The following MYT1L variants were observed in gnomAD, a reference collection of about 807,000 sequenced individuals.
The protein encoded by MYT1L is myelin transcription factor 1 like, also known as myelin transcription factor 1-like protein.
Under a neutral mutation model 126.7 loss-of-function variants are expected in MYT1L, and 12 were observed. The observed-to-expected ratio is 0.09, with a 90% CI of 0.06 to 0.15. The LOEUF is 0.15. Ranked by LOEUF, MYT1L falls within the 10% of genes least tolerant of loss-of-function variation. The pLI, the probability that MYT1L is intolerant of heterozygous loss-of-function variation, is 1.00. For missense variants in MYT1L, 979 were observed against 1,585.2 expected, an observed-to-expected ratio of 0.62 and a Z score of 6.49; for synonymous variants, 541 against 604.2, an observed-to-expected ratio of 0.90 and a Z score of 1.53.
intron 3 of MYT1L, among the ~76,000 whole-genome samples, chr2:2,108,962 T>C (rs1355426312): frequency 6.6e-6 from 1 of 152,220 alleles, no homozygotes; most frequent in Non-Finnish European, 1.5e-5. Context: ...CTGCTTTTCC[T>C]CCTCTCCTGT....
intron 8 of MYT1L, among the ~76,000 whole-genome samples, chr2:1,954,630 T>C (rs985665405): frequency 1.3e-5 from 2 of 152,226 alleles, no homozygotes; most frequent in Middle Eastern, 3.4e-3. Flanking sequence ...CACTTTCCAC[T>C]GTCAGGGGTC....
chr2:2,325,516 C>T (rs2096234932), intron 1 of MYT1L: 1 of 152,082 alleles, frequency 6.6e-6, no homozygotes, highest in East Asian at 1.9e-4. Flanking sequence ...AACATAGATA[C>T]CTGATGTTCA....
chr2:2,241,751 G>C (rs1045671209), intron 2 of MYT1L, among the ~76,000 whole-genome samples: 1 of 152,218 alleles, frequency 6.6e-6, no homozygotes, highest in African/African-American at 2.4e-5. Flanking sequence ...CTATTATTCA[G>C]CCTTAGAAAG....
At chr2:2,257,751 A>G (rs905505452) in intron 2 of MYT1L, among the ~76,000 whole-genome samples, 12 of 148,738 alleles carry the variant, frequency 8.1e-5, no homozygotes, top group Non-Finnish European at 1.3e-4. Context: ...GAGGACACAA[A>G]CAAATGGAAG....
chr2:2,094,213 T>C (rs948490864), intron 3 of MYT1L, among the ~76,000 whole-genome samples: 1 of 152,188 alleles, frequency 6.6e-6, no homozygotes, highest in African/African-American at 2.4e-5. Context: ...TCAAAACCAC[T>C]ATGAGATACT....
intron 23 of MYT1L, among the ~76,000 whole-genome samples, chr2:1,798,383 G>A (rs2034208008): frequency 6.6e-6 from 1 of 152,210 alleles, no homozygotes; most frequent in Non-Finnish European, 1.5e-5. Context: ...CTCTCCCTGT[G>A]CAGGACCCTC....
intron 2 of MYT1L, among the ~76,000 whole-genome samples, chr2:2,254,105 A>G (rs1475177851): frequency 6.6e-6 from 1 of 152,226 alleles, no homozygotes; most frequent in Non-Finnish European, 1.5e-5. Flanking sequence ...AGAATTCTGC[A>G]CTGTGCATTG....
intron 3 of MYT1L, among the ~76,000 whole-genome samples, chr2:2,086,573 ACT>A (rs1289293944): frequency 1.3e-5 from 2 of 151,924 alleles, no homozygotes; most frequent in African/African-American, 4.8e-5. Context: ...ACATAGAATC[ACT>A]CTGCAATCCT....
At chr2:2,102,732 G>A (rs1369410328) in intron 3 of MYT1L, among the ~76,000 whole-genome samples, 1 of 151,592 alleles carries the variant, frequency 6.6e-6, no homozygotes, top group Non-Finnish European at 1.5e-5. Context: ...TGGATGGGTG[G>A]AATCAATGGT....
chr2:2,090,528 A>T (rs1163915738), intron 3 of MYT1L, among the ~76,000 whole-genome samples: 1 of 152,178 alleles, frequency 6.6e-6, no homozygotes, highest in Non-Finnish European at 1.5e-5. Context: ...GTTTTGCCTC[A>T]ATGTCGATGG....
chr2:2,242,068 G>A (rs2094450782), intron 2 of MYT1L, among the ~76,000 whole-genome samples: 1 of 152,016 alleles, frequency 6.6e-6, no homozygotes, highest in Non-Finnish European at 1.5e-5. Flanking sequence ...GAGGAGGAAG[G>A]CAGGCAGGAA....
In MYT1L at chr2:1,929,921, A is replaced by G. The variant is rs571165622; in HGVS notation, c.506-6658T>C. ...CCTCTACCTTTCAAAACCGGGACAT[A>G]TTCGGAGGGTCACAACGCAGTGTCA... On this transcript the variant is annotated intron_variant, in intron 9 of 24. Transcript: ENST00000647738. The surrounding 1 kb of genome is among the most constrained non-coding windows in gnomAD (Gnocchi z 4.7). Among the ~76,000 whole-genome samples the G allele has an allele frequency of 6.6e-6, 1 of 152,304 alleles. No homozygotes were observed. Among genetic ancestry groups the G allele is most frequent in the South Asian group, 2.1e-4 (1 of 4,820 alleles).
chr2:2,055,161 A>C (rs2069344854), intron 3 of MYT1L, among the ~76,000 whole-genome samples: 1 of 152,128 alleles, frequency 6.6e-6, no homozygotes, highest in Admixed American at 6.5e-5. Flanking sequence ...AGTCATTTTT[A>C]TGATTGAGTC....
chr2:2,037,396 T>C (rs1209918261), intron 4 of MYT1L, among the ~76,000 whole-genome samples: 3 of 152,098 alleles, frequency 2.0e-5, no homozygotes, highest in Non-Finnish European at 4.4e-5. Context: ...TCTCCAGTTA[T>C]GATGGTGGTT....
chr2:2,071,910 G>C (rs1280128504), intron 3 of MYT1L, among the ~76,000 whole-genome samples: 1 of 152,152 alleles, frequency 6.6e-6, no homozygotes, highest in Non-Finnish European at 1.5e-5. Context: ...AAGAGCTGTG[G>C]GCGAGGAGGG....
rs928125697 is a variant in MYT1L at position 2,242,320 on chromosome 2, T to C, written c.-421+42084A>G. ...AAATGAGGAAAACAAACATGTGACT[T>C]GATCCAATATTATTAACAGAGTGAT... On this transcript the variant is annotated intron_variant, in intron 2 of 24. Coordinates refer to ENST00000647738, the MANE Select transcript of MYT1L (RefSeq NM_001303052.2). Among the ~76,000 whole-genome samples, 6 of 152,334 alleles carry C rather than the reference T, an allele frequency of 3.9e-5. No individual in the cohort carries two copies. In the East Asian group the frequency reaches 1.2e-3, roughly 29 times the overall value.
chr2:1,911,969 T>C lies in MYT1L; in HGVS notation c.1709+51A>G, dbSNP rs2052070254. The C allele has an allele frequency of 3.7e-5, 52 of 1,415,622 alleles. No individual in the cohort carries two copies. In the East Asian group the frequency reaches 1.3e-3, roughly 34 times the overall value. The allele number at this position is 1,415,622 out of a possible 1,614,324, so 87.7% of individuals were successfully genotyped here. A position where few individuals can be genotyped will look rare whatever the true frequency, so the allele number is the denominator to read the frequency against. On this transcript the variant is annotated intron_variant, in intron 12 of 24. Transcript: ENST00000647738. ...TAGGCCCCCCAGGAAGGAGAAGGCA[T>C]GGAGAGCAGCCGGTGCTCCCTCCCA... is the stretch of plus-strand genomic sequence containing the variant.
At chr2:2,238,274 C>A (rs12465823) in intron 2 of MYT1L, among the ~76,000 whole-genome samples, 1 of 151,788 alleles carries the variant, frequency 6.6e-6, no homozygotes. Context: ...TGTGTCTCTG[C>A]GCAAGGTACC....
chr2:2,241,093 T>C (rs1390572836), intron 2 of MYT1L, among the ~76,000 whole-genome samples: 3 of 152,224 alleles, frequency 2.0e-5, no homozygotes, highest in South Asian at 4.1e-4. Context: ...TATTGGATGC[T>C]GTAATGGTAC....
Sources: allele counts gnomAD v4.1 joint callset (sites outside exome capture counted in the v4.1 genomes callset), GRCh38; gene constraint gnomAD v4.1.1; non-coding constraint Gnocchi (gnomAD v3.1); transcripts MANE v1.5; gene names NCBI Gene and HGNC (gene_info 2026-07-23, HGNC 2026-07-21).